The following SPTBN1 variants were observed in gnomAD, a reference collection of about 807,000 sequenced individuals.
SPTBN1 encodes spectrin beta chain, non-erythrocytic 1.
A neutral mutation model predicts 266.4 loss-of-function variants in SPTBN1; 32 were observed. The ratio of observed to expected loss-of-function variants is 0.12; its 90% CI spans 0.09 to 0.16. SPTBN1 has a LOEUF of 0.16. SPTBN1 is among the 10% of genes least tolerant of loss of function. The pLI is 1.00. For missense variants in SPTBN1, 2,296 were observed against 3,067.1 expected (o/e 0.75, Z 5.94); for synonymous variants, 1,336 against 1,162.2 (o/e 1.15, Z -3.04).
At chr2:54,593,823 C>CTTTTTTTTTTTTTTTTTTTTTTTTT (rs374877354) in intron 2 of SPTBN1, among the ~76,000 whole-genome samples, 1 of 64,782 alleles carries the variant, frequency 1.5e-5, no homozygotes, top group African/African-American at 6.2e-5. Flanking sequence ...CATGGAAACA[C>CTTTTTTTTTTTTTTTTTTTTTTTTT]TTTTTTTTTT....
chr2:54,544,170 G>A (rs1300145156), intron 2 of SPTBN1, among the ~76,000 whole-genome samples: 1 of 152,144 alleles, frequency 6.6e-6, no homozygotes, highest in Non-Finnish European at 1.5e-5. Context: ...TCTGAATCAG[G>A]TTGTTGTTTA....
chr2:54,475,751 C>G (rs985982831), intron 1 of SPTBN1, among the ~76,000 whole-genome samples: 4 of 152,076 alleles, frequency 2.6e-5, no homozygotes, highest in Admixed American at 2.6e-4. Context: ...AAGAATACAG[C>G]CATCGGTAAG....
chr2:54,620,946 G>A (rs1677953405), intron 7 of SPTBN1, among the ~76,000 whole-genome samples: 1 of 152,110 alleles, frequency 6.6e-6, no homozygotes. Flanking sequence ...ATTGTTTCAG[G>A]GCTGGTTATG....
chr2:54,467,014 G>T (rs4233950), intron 1 of SPTBN1, among the ~76,000 whole-genome samples: 44,313 of 151,722 alleles, frequency 0.29, 6,840 homozygotes, highest in East Asian at 0.52. Flanking sequence ...CCGAGAGAGC[G>T]CCTGACAGAA....
At chr2:54,583,062 T>C (rs948198794) in intron 2 of SPTBN1, among the ~76,000 whole-genome samples, 6 of 152,098 alleles carry the variant, frequency 3.9e-5, no homozygotes, top group African/African-American at 1.2e-4. Context: ...TCTAGGACCA[T>C]GCTGGAGCCC....
intron 1 of SPTBN1, among the ~76,000 whole-genome samples, chr2:54,477,948 A>G (rs1044187070): frequency 3.9e-5 from 6 of 152,166 alleles, no homozygotes; most frequent in Non-Finnish European, 7.4e-5. Context: ...TGCTTTTTAA[A>G]GGTGACTTGG....
At chr2:54,515,826 G>A (rs918466523) in intron 1 of SPTBN1, 4 of 152,102 alleles carry the variant, frequency 2.6e-5, no homozygotes, top group South Asian at 4.1e-4. Context: ...CTCGCCCAGT[G>A]TGACCCTTTT....
At chr2:54,534,883 C>T (rs1008149641) in intron 2 of SPTBN1, among the ~76,000 whole-genome samples, 13 of 152,200 alleles carry the variant, frequency 8.5e-5, no homozygotes, top group Non-Finnish European at 1.3e-4. Context: ...TCCTGCACCT[C>T]ACTCTTTGAG....
At chr2:54,581,336 G>A (rs925695269) in intron 2 of SPTBN1, among the ~76,000 whole-genome samples, 1 of 152,016 alleles carries the variant, frequency 6.6e-6, no homozygotes, top group African/African-American at 2.4e-5. Context: ...GAGGAGGAGG[G>A]GATGCTCTAA....
At chr2:54,537,773 C>G (rs945304788) in intron 2 of SPTBN1, among the ~76,000 whole-genome samples, 1 of 152,206 alleles carries the variant, frequency 6.6e-6, no homozygotes, top group South Asian at 2.1e-4. Context: ...TTCTAGATGA[C>G]AGGAAACATG....
intron 18 of SPTBN1, among the ~76,000 whole-genome samples, chr2:54,641,819 C>T (rs1679586492): frequency 6.6e-6 from 1 of 152,186 alleles, no homozygotes; most frequent in South Asian, 2.1e-4. Flanking sequence ...CTCGGGGAGC[C>T]TTTCCTGGCA....
chr2:54,555,430 C>T (rs1486504851), intron 2 of SPTBN1, among the ~76,000 whole-genome samples: 3 of 152,206 alleles, frequency 2.0e-5, no homozygotes. Flanking sequence ...TGTCCCTTTC[C>T]TTTGATCCTC....
At chr2:54,556,829 C>T (rs1672910848) in intron 2 of SPTBN1, among the ~76,000 whole-genome samples, 1 of 152,148 alleles carries the variant, frequency 6.6e-6, no homozygotes, top group Non-Finnish European at 1.5e-5. Flanking sequence ...AATTATTACT[C>T]AGTCTGACAG....
intron 12 of SPTBN1, among the ~76,000 whole-genome samples, chr2:54,627,194 A>G (rs530534868): frequency 4.8e-4 from 73 of 152,260 alleles, no homozygotes; most frequent in African/African-American, 1.4e-3. Flanking sequence ...TTTCCCTCCT[A>G]TTGTTCCAGA....
intron 2 of SPTBN1, among the ~76,000 whole-genome samples, chr2:54,550,866 A>G (rs770309057): frequency 6.6e-6 from 1 of 152,136 alleles, no homozygotes; most frequent in African/African-American, 2.4e-5. Context: ...ATGCCCATGG[A>G]TGGGGCTGAG....
chr2:54,643,175 G>A (rs370463657), intron 19 of SPTBN1, 46 bp downstream of exon 19: 34 of 1,609,496 alleles, frequency 2.1e-5, no homozygotes, highest in Non-Finnish European at 2.1e-5. Context: ...AACAAACAGG[G>A]TAGTAATAAA....
chr2:54,607,568 G>A (rs1676929377), intron 3 of SPTBN1, among the ~76,000 whole-genome samples: 1 of 152,158 alleles, frequency 6.6e-6, no homozygotes, highest in South Asian at 2.1e-4. Context: ...ATTGCGGTGA[G>A]ATCGTGCCAT....
rs1242621286 is a variant in SPTBN1, at chr2:54,653,942, CG to C, written c.5822+90del. The C allele has an allele frequency of 3.2e-6, 5 of 1,544,808 alleles. No individual in the cohort carries two copies. The African/African-American group carries it at 4.2e-5, about 13-fold the overall frequency. ...CAGAGAGAAGCAGGAGCCTTGAAAG[CG>C]TTCCTGCCTGAGCGCTTCAAGGCCA... On this transcript the variant is annotated intron_variant, in intron 27 of 35. Transcript: ENST00000356805. The surrounding 1 kb of genome is among the most constrained non-coding windows in gnomAD (Gnocchi z 5.1).
At chr2:54,537,042 A>C (rs1454574981) in intron 2 of SPTBN1, among the ~76,000 whole-genome samples, 1 of 152,236 alleles carries the variant, frequency 6.6e-6, no homozygotes, top group Non-Finnish European at 1.5e-5. Flanking sequence ...TTAAAAAATA[A>C]ATACATACAT....
Sources: gnomAD v4.1 joint callset for allele counts (sites outside exome capture counted in the v4.1 genomes callset) on GRCh38, gnomAD v4.1.1 for gene constraint, Gnocchi (gnomAD v3.1) non-coding constraint, MANE v1.5 for transcripts, NCBI Gene and HGNC (gene_info 2026-07-23, HGNC 2026-07-21) for gene names.